Variants in MCTP1 observed in about 807,000 individuals in gnomAD.
The protein encoded by MCTP1 is multiple C2 and transmembrane domain containing 1, also known as multiple C2 and transmembrane domain-containing protein 1.
MCTP1 carries 69 observed loss-of-function variants against 120.6 expected under a neutral mutation model. That is an observed-to-expected ratio of 0.57 (90% confidence interval 0.47 to 0.70). The LOEUF is 0.70. Ranked by LOEUF, MCTP1 falls within the 30% of genes least tolerant of loss-of-function variation. The pLI is 0.00. For missense variants in MCTP1, 1,203 were observed against 1,248.8 expected, an observed-to-expected ratio of 0.96 and a Z score of 0.55; for synonymous variants, 529 against 493.1, an observed-to-expected ratio of 1.07 and a Z score of -0.96.
At chr5:95,107,524 G>GTCA (rs1757166712) in intron 1 of MCTP1, among the ~76,000 whole-genome samples, 1 of 152,132 alleles carries the variant, frequency 6.6e-6, no homozygotes, top group Non-Finnish European at 1.5e-5. Context: ...TAACTTTTAT[G>GTCA]GAAATAAATC....
At chr5:95,162,899 C>T (rs955455821) in intron 1 of MCTP1, among the ~76,000 whole-genome samples, 4 of 152,118 alleles carry the variant, frequency 2.6e-5, no homozygotes, top group Non-Finnish European at 5.9e-5. Flanking sequence ...TTGGCAGGAA[C>T]TAGGATTAAA....
chr5:95,047,483 T>G (rs1347116169), intron 1 of MCTP1, among the ~76,000 whole-genome samples: 1 of 152,172 alleles, frequency 6.6e-6, no homozygotes, highest in African/African-American at 2.4e-5. Context: ...CTGAATTATG[T>G]CAGTGCACTA....
chr5:94,983,496 C>G (rs1172504706), intron 2 of MCTP1, among the ~76,000 whole-genome samples: 2 of 152,072 alleles, frequency 1.3e-5, no homozygotes, highest in Non-Finnish European at 2.9e-5. Flanking sequence ...GCTGCCATAA[C>G]AAAGAGATCC....
chr5:94,918,847 G>A (rs2153454642), intron 7 of MCTP1, among the ~76,000 whole-genome samples: 1 of 152,232 alleles, frequency 6.6e-6, no homozygotes, highest in Non-Finnish European at 1.5e-5. Context: ...TGTTTTTCAT[G>A]ACAGGAATCT....
At chr5:94,923,317 G>A (rs1812182843) in intron 7 of MCTP1, among the ~76,000 whole-genome samples, 1 of 152,042 alleles carries the variant, frequency 6.6e-6, no homozygotes, top group Non-Finnish European at 1.5e-5. Context: ...AGCAGTAAGT[G>A]CATTAGTAAT....
chr5:95,031,801 CG>C (rs948316746), intron 1 of MCTP1, among the ~76,000 whole-genome samples: 39 of 152,132 alleles, frequency 2.6e-4, no homozygotes, highest in African/African-American at 9.2e-4. Flanking sequence ...GAGTGGCAAA[CG>C]GGACAACAGC....
intron 2 of MCTP1, among the ~76,000 whole-genome samples, chr5:94,988,755 TA>T (rs1002313657): frequency 6.6e-6 from 1 of 152,122 alleles, no homozygotes. Flanking sequence ...GGGGAATTTA[TA>T]AAGAAATGAG....
chr5:95,093,535 C>T (rs1000031340), intron 1 of MCTP1, among the ~76,000 whole-genome samples: 2 of 152,034 alleles, frequency 1.3e-5, no homozygotes, highest in African/African-American at 4.8e-5. Context: ...GGAGTCTAAA[C>T]TTCATTTGGA....
chr5:94,776,173 T>G (rs532650872), intron 19 of MCTP1, among the ~76,000 whole-genome samples: 279 of 152,124 alleles, frequency 1.8e-3, no homozygotes, highest in African/African-American at 6.6e-3. Flanking sequence ...GTCTTTGTCA[T>G]GTATATAATT....
At chr5:95,022,686 C>T (rs375488412) in intron 1 of MCTP1, among the ~76,000 whole-genome samples, 110 of 152,300 alleles carry the variant, frequency 7.2e-4, no homozygotes, top group African/African-American at 2.4e-3. Flanking sequence ...TTCTCCTACA[C>T]TCATGTAATG....
At chr5:94,882,431 T>TC (rs896030822) in intron 12 of MCTP1, among the ~76,000 whole-genome samples, 3 of 152,116 alleles carry the variant, frequency 2.0e-5, no homozygotes, top group African/African-American at 7.2e-5. Flanking sequence ...TTTTTTTTTT[T>TC]CAAAAAATCT....
chr5:95,154,689 C>T (rs890224301), intron 1 of MCTP1, among the ~76,000 whole-genome samples: 2 of 152,012 alleles, frequency 1.3e-5, no homozygotes, highest in Non-Finnish European at 2.9e-5. Flanking sequence ...CCTAAAATGC[C>T]TACATGAACT....
intron 1 of MCTP1, among the ~76,000 whole-genome samples, chr5:95,124,930 C>G (rs779076275): frequency 3.3e-5 from 5 of 152,178 alleles, no homozygotes; most frequent in African/African-American, 9.7e-5. Flanking sequence ...ATCTGGACAT[C>G]AAAGATACCA....
chr5:94,838,675 C>T (rs889348914), intron 17 of MCTP1, among the ~76,000 whole-genome samples: 8 of 152,206 alleles, frequency 5.3e-5, no homozygotes, highest in Non-Finnish European at 1.0e-4. Context: ...TAGCATCCAG[C>T]ACCGTCTAGC....
chr5:94,745,091 C>T (rs1766565907), intron 19 of MCTP1, among the ~76,000 whole-genome samples: 1 of 152,162 alleles, frequency 6.6e-6, no homozygotes, highest in Non-Finnish European at 1.5e-5. Flanking sequence ...GAATGTTTCC[C>T]AGCCACTTCT....
At chr5:95,158,710 G>A (rs1745390897) in intron 1 of MCTP1, among the ~76,000 whole-genome samples, 1 of 151,522 alleles carries the variant, frequency 6.6e-6, no homozygotes, top group Admixed American at 6.6e-5. Flanking sequence ...AGGATCACTT[G>A]ACCTCACAAG....
At chr5:95,176,232 G>C (rs966920716) in intron 1 of MCTP1, among the ~76,000 whole-genome samples, 1 of 151,864 alleles carries the variant, frequency 6.6e-6, no homozygotes, top group Non-Finnish European at 1.5e-5. Flanking sequence ...ACATAAGAAC[G>C]AGCAGTAGTA....
chr5:94,949,599 T>C (rs1393385978), intron 3 of MCTP1, among the ~76,000 whole-genome samples: 2 of 152,166 alleles, frequency 1.3e-5, no homozygotes, highest in Non-Finnish European at 2.9e-5. Flanking sequence ...TACAAGCACT[T>C]CAACTTGAAT....
intron 1 of MCTP1, among the ~76,000 whole-genome samples, chr5:95,169,735 G>T (rs1023853201): frequency 4.6e-5 from 7 of 152,090 alleles, no homozygotes; most frequent in African/African-American, 9.7e-5. Flanking sequence ...TGGGATCAGT[G>T]GAGATATCCC....
Sources: allele counts gnomAD v4.1 joint callset (sites outside exome capture counted in the v4.1 genomes callset), GRCh38; gene constraint gnomAD v4.1.1; transcripts MANE v1.5; gene names NCBI Gene and HGNC (gene_info 2026-07-23, HGNC 2026-07-21).